Variants in AGBL4 observed in about 807,000 individuals in gnomAD.
AGBL4 encodes cytosolic carboxypeptidase 6.
In AGBL4, 58 loss-of-function variants were observed where a neutral mutation model predicts 66.4. The ratio of observed to expected loss-of-function variants is 0.87; its 90% CI spans 0.71 to 1.09. The LOEUF (loss-of-function observed/expected upper bound fraction) is 1.09, where lower values mean the gene tolerates loss of function less well. Ranked by LOEUF, AGBL4 falls within the 50% of genes least tolerant of loss-of-function variation. The pLI is 0.00. For missense variants in AGBL4, 579 were observed against 631.0 expected, an observed-to-expected ratio of 0.92 and a Z score of 0.88; for synonymous variants, 234 against 222.9, an observed-to-expected ratio of 1.05 and a Z score of -0.44.
chr1:48,565,136 C>T (rs1262300529), intron 11 of AGBL4, among the ~76,000 whole-genome samples: 2 of 152,152 alleles, frequency 1.3e-5, no homozygotes, highest in African/African-American at 4.8e-5. Context: ...CTTAATGAAG[C>T]CTAATTACAG....
chr1:49,938,932 T>C (rs1054397441), intron 1 of AGBL4, among the ~76,000 whole-genome samples: 1 of 152,232 alleles, frequency 6.6e-6, no homozygotes, highest in South Asian at 2.1e-4. Flanking sequence ...GCAGACGACA[T>C]GATTGTATAT....
chr1:48,988,056 C>T (rs539623158), intron 5 of AGBL4, among the ~76,000 whole-genome samples: 1 of 152,138 alleles, frequency 6.6e-6, no homozygotes, highest in South Asian at 2.1e-4. Context: ...AAAATATCAC[C>T]TTCTCTATGA....
At chr1:50,007,508 A>C (rs1016552431) in intron 1 of AGBL4, among the ~76,000 whole-genome samples, 2 of 152,206 alleles carry the variant, frequency 1.3e-5, no homozygotes, top group Non-Finnish European at 2.9e-5. Context: ...CACATCCATA[A>C]TCCTAGCACT....
chr1:48,856,890 C>A (rs1301457812), intron 6 of AGBL4, among the ~76,000 whole-genome samples: 2 of 151,932 alleles, frequency 1.3e-5, no homozygotes, highest in African/African-American at 4.8e-5. Flanking sequence ...TTTCTTTATG[C>A]CTAGAAAAGT....
intron 2 of AGBL4, among the ~76,000 whole-genome samples, chr1:49,799,699 C>A (rs1478945004): frequency 6.6e-6 from 1 of 151,892 alleles, no homozygotes; most frequent in African/African-American, 2.4e-5. Flanking sequence ...GTGACTAAGC[C>A]AAAAAGATGG....
At chr1:48,776,208 A>G (rs1299837580) in intron 6 of AGBL4, among the ~76,000 whole-genome samples, 1 of 152,180 alleles carries the variant, frequency 6.6e-6, no homozygotes, top group Non-Finnish European at 1.5e-5. Context: ...AATTCTTGAC[A>G]GAAAAGAACA....
intron 3 of AGBL4, among the ~76,000 whole-genome samples, chr1:49,273,265 A>C (rs1473096606): frequency 6.6e-6 from 1 of 152,094 alleles, no homozygotes; most frequent in East Asian, 1.9e-4. Context: ...ATTTTTCACC[A>C]GAAAATAAGG....
intron 5 of AGBL4, among the ~76,000 whole-genome samples, chr1:48,942,196 A>C (rs12135115): frequency 0.086 from 13,132 of 152,218 alleles, 695 homozygotes; most frequent in East Asian, 0.16. Context: ...GATGCAAGAA[A>C]AGAGATACTG....
rs965723811 is a variant in AGBL4, at chr1:49,697,437, C to T, written c.158G>A (p.Gly53Asp). 2.7e-5 allele frequency: 41 copies of T among 1,503,728 alleles called. No homozygotes were observed. The highest frequency in any genetic ancestry group is 3.6e-5 in the Non-Finnish European group (40 of 1,111,908). 93.1% of individuals were successfully genotyped at this position (1,503,728 alleles called of 1,614,324 possible). A position where few individuals can be genotyped will look rare whatever the true frequency, so the allele number is the denominator to read the frequency against. The change falls in exon 3 of 14, where the codon GGT (glycine) becomes GAT (aspartate). Residue 53 changes from glycine (G) to aspartate (D), a missense_variant and splice_region_variant. Gly to Asp is a moderately conservative substitution (Grantham distance 94). Coordinates refer to ENST00000371839, the MANE Select transcript of AGBL4 (RefSeq NM_032785.4). ...HLIFDACFESGNLGRVDQVSE... is the reference protein window; with the variant it reads ...HLIFDACFESDNLGRVDQVSE... ...GACCTGGTCCACCCGGCCCAGGTTA[C>T]CTGGTAATAAAAATTAAGAGAATTG...
rs544230464 is a variant in AGBL4 at position 49,345,447 on chromosome 1, T to C, written c.283-99583A>G. Among the ~76,000 whole-genome samples the C allele has an allele frequency of 3.3e-5, 5 of 152,200 alleles. No homozygotes were observed. In the South Asian group the frequency reaches 1.0e-3, roughly 32 times the overall value. Reference sequence around the variant, plus strand: ...GAGGACTTTGATGAATACTCTTTAATGTAGGTCTCCAATAACTTTGGAAAG... The same window carrying C: ...GAGGACTTTGATGAATACTCTTTAACGTAGGTCTCCAATAACTTTGGAAAG... On this transcript the variant is annotated intron_variant, in intron 3 of 13. Transcript: ENST00000371839.
chr1:48,798,817 A>C (rs1374017115), intron 6 of AGBL4, among the ~76,000 whole-genome samples: 1 of 152,200 alleles, frequency 6.6e-6, no homozygotes, highest in Non-Finnish European at 1.5e-5. Flanking sequence ...GTCAAAGATC[A>C]GTTGGCTATA....
intron 3 of AGBL4, among the ~76,000 whole-genome samples, chr1:49,554,751 G>C (rs1336405341): frequency 1.3e-5 from 2 of 152,170 alleles, no homozygotes; most frequent in African/African-American, 4.8e-5. Flanking sequence ...TCTGGAGTTT[G>C]TTCCTTCTGA....
chr1:49,816,715 C>T (rs2147982964), intron 2 of AGBL4, among the ~76,000 whole-genome samples: 1 of 152,270 alleles, frequency 6.6e-6, no homozygotes, highest in Non-Finnish European at 1.5e-5. Context: ...GGAAATGTAA[C>T]AACTTACAGA....
intron 2 of AGBL4, among the ~76,000 whole-genome samples, chr1:49,811,266 G>A (rs987088232): frequency 6.6e-6 from 1 of 152,078 alleles, no homozygotes; most frequent in African/African-American, 2.4e-5. Context: ...AGAATCATCT[G>A]GGGTTGCAGG....
chr1:49,870,024 C>T (rs372054083), intron 1 of AGBL4, among the ~76,000 whole-genome samples: 13 of 152,090 alleles, frequency 8.5e-5, no homozygotes, highest in African/African-American at 1.9e-4. Context: ...CCAAACATTC[C>T]GATTTGATCA....
chr1:48,769,885 C>A (rs1245014726), intron 6 of AGBL4, among the ~76,000 whole-genome samples: 3 of 152,220 alleles, frequency 2.0e-5, no homozygotes, highest in Non-Finnish European at 4.4e-5. Context: ...ACAATTTTAA[C>A]CCAGACTATG....
chr1:49,734,040 C>T (rs889006664), intron 2 of AGBL4, among the ~76,000 whole-genome samples: 5 of 152,062 alleles, frequency 3.3e-5, no homozygotes, highest in Non-Finnish European at 5.9e-5. Flanking sequence ...AATAATAAGA[C>T]CATTTCAACA....
At chr1:49,171,861 T>C (rs1283096869) in intron 4 of AGBL4, among the ~76,000 whole-genome samples, 2 of 152,228 alleles carry the variant, frequency 1.3e-5, no homozygotes, top group African/African-American at 4.8e-5. Context: ...TGATATACCA[T>C]GGGCAGATAC....
chr1:49,450,874 A>G (rs1370031586), intron 3 of AGBL4, among the ~76,000 whole-genome samples: 2 of 152,068 alleles, frequency 1.3e-5, no homozygotes, highest in African/African-American at 2.4e-5. Context: ...TTCGTTTTCC[A>G]TTGCTGTGTA....
Sources: gnomAD v4.1 joint callset for allele counts (sites outside exome capture counted in the v4.1 genomes callset) on GRCh38, gnomAD v4.1.1 for gene constraint, MANE v1.5 for transcripts, NCBI Gene and HGNC (gene_info 2026-07-23, HGNC 2026-07-21) for gene names.